Variants in ADORA2B observed in about 807,000 individuals in gnomAD.
The protein encoded by ADORA2B is adenosine receptor A2b.
In ADORA2B, 18 loss-of-function variants were observed where a neutral mutation model predicts 20.8. That is an observed-to-expected ratio of 0.87 (90% CI 0.60 to 1.29). The LOEUF (loss-of-function observed/expected upper bound fraction) is 1.29. Ranked by LOEUF, ADORA2B falls within the 50% of genes most tolerant of loss-of-function variation. The pLI, the probability that ADORA2B is intolerant of heterozygous loss-of-function variation, is 0.00. For synonymous variants in ADORA2B, 179 were observed against 178.3 expected (o/e 1.00, Z -0.03); for missense variants, 441 against 422.7 (o/e 1.04, Z -0.38).
At chr17:15,966,141 A>G (rs1436128578) in intron 1 of ADORA2B, among the ~76,000 whole-genome samples, 1 of 152,248 alleles carries the variant, frequency 6.6e-6, no homozygotes, top group African/African-American at 2.4e-5. Context: ...AAATGTATGT[A>G]TTTCAGAGGA....
chr17:15,858,592 A>C, the ADORA2B span: 8 of 152,274 alleles, frequency 5.3e-5, no homozygotes, highest in African/African-American at 1.9e-4. Flanking sequence ...TGAATAAATG[A>C]GTTAATTAAA....
chr17:15,885,451 C>T, the ADORA2B span, among the ~76,000 whole-genome samples: 4 of 152,144 alleles, frequency 2.6e-5, no homozygotes, highest in Non-Finnish European at 4.4e-5. Context: ...TGGTGCGTCA[C>T]GCCTGTAACC....
the ADORA2B span, among the ~76,000 whole-genome samples, chr17:15,918,730 A>G: frequency 2.0e-5 from 3 of 152,216 alleles, no homozygotes; most frequent in South Asian, 2.1e-4. Flanking sequence ...TCGGCCTCCC[A>G]AAGTGCTGGG....
the ADORA2B span, among the ~76,000 whole-genome samples, chr17:15,864,401 G>T: frequency 1.3e-5 from 2 of 151,984 alleles, no homozygotes; most frequent in African/African-American, 2.4e-5. Flanking sequence ...AAGTGTTACC[G>T]ATCATGGGTT....
At chr17:15,950,767 G>A (rs1314785989) in intron 1 of ADORA2B, among the ~76,000 whole-genome samples, 1 of 152,180 alleles carries the variant, frequency 6.6e-6, no homozygotes. Flanking sequence ...GGCTGTGCAT[G>A]GTCGGCCTTC....
chr17:15,928,447 A>G, the ADORA2B span, among the ~76,000 whole-genome samples: 1 of 151,908 alleles, frequency 6.6e-6, no homozygotes, highest in Non-Finnish European at 1.5e-5. Context: ...CCAGGCACAC[A>G]TGGAGCAGGG....
chr17:15,894,761 A>C, the ADORA2B span, among the ~76,000 whole-genome samples: 1 of 152,218 alleles, frequency 6.6e-6, no homozygotes, highest in Non-Finnish European at 1.5e-5. Context: ...TGAGATGGGG[A>C]GGGCATAGAT....
At chr17:15,898,418 C>T in the ADORA2B span, among the ~76,000 whole-genome samples, 26 of 151,008 alleles carry the variant, frequency 1.7e-4, no homozygotes, top group Admixed American at 1.4e-3. Flanking sequence ...ATCAGCCTCC[C>T]GAGTAGCTGG....
chr17:15,878,647 T>C, the ADORA2B span, among the ~76,000 whole-genome samples: 1 of 152,260 alleles, frequency 6.6e-6, no homozygotes, highest in Non-Finnish European at 1.5e-5. Flanking sequence ...AAACAACTAA[T>C]ACTTATTAAT....
chr17:15,896,150 G>A, the ADORA2B span, among the ~76,000 whole-genome samples: 3 of 152,180 alleles, frequency 2.0e-5, no homozygotes, highest in Non-Finnish European at 4.4e-5. Flanking sequence ...TATGTTCTCA[G>A]ATACAGGAAG....
At chr17:15,946,692 G>A (rs1260620117) in intron 1 of ADORA2B, among the ~76,000 whole-genome samples, 1 of 152,202 alleles carries the variant, frequency 6.6e-6, no homozygotes, top group African/African-American at 2.4e-5. Flanking sequence ...CCTTCATCTC[G>A]TAGAGGAGGG....
the ADORA2B span, among the ~76,000 whole-genome samples, chr17:15,861,432 G>A: frequency 1.3e-5 from 2 of 152,128 alleles, no homozygotes; most frequent in Admixed American, 6.5e-5. Flanking sequence ...AGGCAGGTTG[G>A]AGCCATATTG....
At chr17:15,961,693 A>G (rs912479883) in intron 1 of ADORA2B, among the ~76,000 whole-genome samples, 5 of 152,256 alleles carry the variant, frequency 3.3e-5, no homozygotes, top group African/African-American at 1.2e-4. Flanking sequence ...AGGTGCCAGC[A>G]TCTGGCGAGG....
chr17:15,876,160 T>C, the ADORA2B span, among the ~76,000 whole-genome samples: 1 of 152,248 alleles, frequency 6.6e-6, no homozygotes, highest in Non-Finnish European at 1.5e-5. Context: ...AAGGTAAAAT[T>C]TTATGGCCTT....
At chr17:15,860,182 C>T in the ADORA2B span, among the ~76,000 whole-genome samples, 1 of 152,254 alleles carries the variant, frequency 6.6e-6, no homozygotes, top group East Asian at 1.9e-4. Context: ...GTTGTGAGCC[C>T]TTAAAAGGGA....
At chr17:15,899,173 T>C in the ADORA2B span, among the ~76,000 whole-genome samples, 410 of 151,896 alleles carry the variant, frequency 2.7e-3, 2 homozygotes, top group African/African-American at 9.5e-3. Flanking sequence ...GAGGTTGCAG[T>C]GTGCCAAGAT....
the ADORA2B span, among the ~76,000 whole-genome samples, chr17:15,919,120 G>A: frequency 6.6e-6 from 1 of 152,206 alleles, no homozygotes; most frequent in African/African-American, 2.4e-5. Context: ...CAGATGCAGT[G>A]TGACCTCCTC....
chr17:15,924,275 G>A, the ADORA2B span, among the ~76,000 whole-genome samples: 1 of 152,166 alleles, frequency 6.6e-6, no homozygotes, highest in Non-Finnish European at 1.5e-5. Context: ...TTATAAAGGT[G>A]TGCTCCTTTA....
chr17:15,910,888 ACT>A, the ADORA2B span, among the ~76,000 whole-genome samples: 3 of 151,984 alleles, frequency 2.0e-5, no homozygotes, highest in East Asian at 1.9e-4. Flanking sequence ...GGGACAAGAG[ACT>A]CTGCCCTGGC....
Sources: gnomAD v4.1 joint callset for allele counts (sites outside exome capture counted in the v4.1 genomes callset) on GRCh38, gnomAD v4.1.1 for gene constraint, MANE v1.5 for transcripts, NCBI Gene and HGNC (gene_info 2026-07-23, HGNC 2026-07-21) for gene names.